SNORC: variants seen among roughly 807,000 people sequenced by gnomAD.
SNORC encodes secondary ossification center associated regulator of chondrocyte maturation, also known as protein SNORC.
SNORC carries 11 observed loss-of-function variants against 9.7 expected under a neutral mutation model. The observed-to-expected ratio is 1.14, with a 90% CI of 0.72 to 1.88. The LOEUF is 1.88. Among genes scored for constraint, SNORC ranks in the 40% most tolerant of loss-of-function variants. The pLI is 0.00. For missense variants in SNORC, 197 were observed against 173.1 expected, an observed-to-expected ratio of 1.14 and a Z score of -0.77; for synonymous variants, 108 against 88.7, an observed-to-expected ratio of 1.22 and a Z score of -1.22.
upstream of SNORC, among the ~76,000 whole-genome samples, chr2:232,866,670 G>C (rs113353407): frequency 8.3e-4 from 127 of 152,102 alleles, 1 homozygote; most frequent in African/African-American, 2.6e-3. Flanking sequence ...TCAAGTTTGG[G>C]ACACACATGC....
Position 232,875,392 on chromosome 2 carries a change from CTG to C in SNORC, c.74-545_74-544del, listed in dbSNP as rs368852361. On this transcript the variant is annotated intron_variant, in intron 1 of 2. Coordinates refer to ENST00000331342, the Ensembl canonical transcript of SNORC. The stretch of plus-strand genomic sequence containing the variant: ...CATGGGCAGGCCTGCCCTGCTAACA[CTG>C]TGATGTCAGATGGTCTGGCTGGGCT... 394 of 293,914 alleles carry C rather than the reference CTG, an allele frequency of 1.3e-3. 1 individual carries two copies. Among genetic ancestry groups the C allele is most frequent in the Non-Finnish European group, 2.4e-3 (328 of 134,502 alleles). The allele number at this position is 293,914 out of a possible 1,614,324, so 18.2% of individuals were successfully genotyped here. A position where few individuals can be genotyped will look rare whatever the true frequency, so the allele number is the denominator to read the frequency against.
intron 1 of SNORC, among the ~76,000 whole-genome samples, chr2:232,872,610 C>T (rs140849041): frequency 9.2e-5 from 14 of 152,274 alleles, no homozygotes; most frequent in African/African-American, 2.9e-4. Context: ...TGGGGTCCTC[C>T]GTGCCCCCAC....
intron 1 of SNORC, among the ~76,000 whole-genome samples, chr2:232,871,339 C>T (rs1281081820): frequency 6.6e-6 from 1 of 152,160 alleles, no homozygotes; most frequent in East Asian, 1.9e-4. Context: ...CTATTGGCTT[C>T]TCCCTGGACG....
chr2:232,876,888 C>A (rs1232223085), downstream of SNORC: 21 of 985,350 alleles, frequency 2.1e-5, no homozygotes, highest in African/African-American at 3.5e-5. The surrounding 1 kb of genome is among the most constrained non-coding windows in gnomAD (Gnocchi z 6.8). Context: ...TGCCTCCCAT[C>A]CCGCTCCGCT....
chr2:232,870,208 A>G (rs1421575206), upstream of SNORC: 22 of 786,532 alleles, frequency 2.8e-5, no homozygotes, highest in Non-Finnish European at 3.8e-5. Context: ...TGCGGGCACG[A>G]TGTCCCAGGA....
downstream of SNORC, chr2:232,876,405 C>G: frequency 6.7e-7 from 1 of 1,487,806 alleles, no homozygotes; most frequent in Non-Finnish European, 8.9e-7. This position sits in a 1 kb window ranked among gnomAD's most constrained non-coding sequence, Gnocchi z 6.8. Context: ...GGCTGCACTC[C>G]TCACGCGCCT....
At chr2:232,874,099 C>T (rs1224145796) in intron 1 of SNORC, among the ~76,000 whole-genome samples, 1 of 152,212 alleles carries the variant, frequency 6.6e-6, no homozygotes, top group Non-Finnish European at 1.5e-5. Flanking sequence ...GGCCCAGAAG[C>T]CAGGGACCTG....
chr2:232,876,461 T>C, downstream of SNORC: 2 of 1,368,818 alleles, frequency 1.5e-6, no homozygotes, highest in South Asian at 1.7e-5. This position sits in a 1 kb window ranked among gnomAD's most constrained non-coding sequence, Gnocchi z 6.8. Flanking sequence ...TGCCAGAGCG[T>C]GAGCGCGCGC....
At chr2:232,872,313 G>C (rs986310743) in intron 1 of SNORC, among the ~76,000 whole-genome samples, 7 of 152,198 alleles carry the variant, frequency 4.6e-5, no homozygotes, top group Non-Finnish European at 1.0e-4. Flanking sequence ...GGAGCAGGCC[G>C]GGCTGAGCGG....
chr2:232,877,194 AGGCCTGGCTGGGGGCC>A, downstream of SNORC: 1 of 985,416 alleles, frequency 1.0e-6, no homozygotes, highest in Middle Eastern at 5.2e-4. Flanking sequence ...TCTCACCCCC[AGGCCTGGCTGGGGGCC>A]GGCAGCCCCC....
At chr2:232,870,015 T>C (rs967926276), upstream of SNORC, among the ~76,000 whole-genome samples, 2 of 152,176 alleles carry the variant, frequency 1.3e-5, no homozygotes, top group Non-Finnish European at 2.9e-5. Flanking sequence ...CCTTTCATTT[T>C]CAGTGGTCCA....
At chr2:232,868,376 C>T (rs577836737), upstream of SNORC, among the ~76,000 whole-genome samples, 4 of 152,238 alleles carry the variant, frequency 2.6e-5, no homozygotes, top group African/African-American at 7.2e-5. Flanking sequence ...GGATTACAGG[C>T]GGGAGCCACC....
chr2:232,872,110 G>A (rs1290878055), intron 1 of SNORC, among the ~76,000 whole-genome samples: 2 of 147,488 alleles, frequency 1.4e-5, no homozygotes, highest in African/African-American at 2.6e-5. Flanking sequence ...TCTGGCTGTT[G>A]TTCTTGCGAG....
At chr2:232,873,341 G>A (rs1228359978) in intron 1 of SNORC, among the ~76,000 whole-genome samples, 4 of 152,160 alleles carry the variant, frequency 2.6e-5, no homozygotes, top group Non-Finnish European at 4.4e-5. Flanking sequence ...GGTGGTGGGC[G>A]CAGCAGAGAC....
At chr2:232,873,145 TCA>T (rs1426264442) in intron 1 of SNORC, among the ~76,000 whole-genome samples, 1 of 152,230 alleles carries the variant, frequency 6.6e-6, no homozygotes, top group Non-Finnish European at 1.5e-5. Flanking sequence ...ATGCTGGTGT[TCA>T]CACAGTTACC....
At chr2:232,867,180 T>C (rs1690894785), upstream of SNORC, among the ~76,000 whole-genome samples, 1 of 152,254 alleles carries the variant, frequency 6.6e-6, no homozygotes, top group South Asian at 2.1e-4. Context: ...AAAAAATAGC[T>C]TCACACTTCC....
At chr2:232,872,723 C>T (rs776634774) in intron 1 of SNORC, among the ~76,000 whole-genome samples, 4 of 152,242 alleles carry the variant, frequency 2.6e-5, no homozygotes, top group East Asian at 1.9e-4. Context: ...CATCTCCCCC[C>T]TCCCCAGACA....
chr2:232,868,335 G>A (rs1690915524), upstream of SNORC, among the ~76,000 whole-genome samples: 1 of 152,088 alleles, frequency 6.6e-6, no homozygotes, highest in Non-Finnish European at 1.5e-5. Flanking sequence ...GACCTCAAGT[G>A]ATCCGCCTGC....
At chr2:232,873,486 G>A (rs1365830284) in intron 1 of SNORC, among the ~76,000 whole-genome samples, 1 of 152,202 alleles carries the variant, frequency 6.6e-6, no homozygotes, top group Non-Finnish European at 1.5e-5. Flanking sequence ...CTTCTCAGGG[G>A]CTGGAGGCCT....
Sources: allele counts gnomAD v4.1 joint callset (sites outside exome capture counted in the v4.1 genomes callset), GRCh38; gene constraint gnomAD v4.1.1; non-coding constraint Gnocchi (gnomAD v3.1); transcripts MANE v1.5; gene names NCBI Gene and HGNC (gene_info 2026-07-23, HGNC 2026-07-21).